The following NTRK3 variants were observed in gnomAD, a reference collection of about 807,000 sequenced individuals.
The protein encoded by NTRK3 is NT-3 growth factor receptor.
Under a neutral mutation model 91.7 loss-of-function variants are expected in NTRK3, and 24 were observed. The ratio of observed to expected loss-of-function variants is 0.26; its 90% confidence interval spans 0.19 to 0.37. The LOEUF (loss-of-function observed/expected upper bound fraction) is 0.37, where lower values mean the gene tolerates loss of function less well. NTRK3 is among the 10% of genes least tolerant of loss of function. NTRK3 has a pLI of 1.00. For missense variants in NTRK3, 880 were observed against 1,068.9 expected (o/e 0.82, Z 2.46); for synonymous variants, 483 against 404.0 (o/e 1.20, Z -2.34).
chr15:88,127,109 C>G, intron 12 of NTRK3, 53 bp downstream of exon 12: 1 of 1,471,574 alleles, frequency 6.8e-7, no homozygotes, highest in Non-Finnish European at 9.5e-7. Flanking sequence ...CAAATGAAGT[C>G]TGAAAATGAC....
At chr15:87,866,926 A>G (rs1009852832) in exon 19 of NTRK3, 9 of 213,814 alleles carry the variant, frequency 4.2e-5, no homozygotes, top group African/African-American at 2.0e-4. Context: ...ATAGAAATAT[A>G]GCATATCCAC....
intron 17 of NTRK3, among the ~76,000 whole-genome samples, chr15:87,921,882 A>T (rs80112441): frequency 1.6e-5 from 2 of 124,024 alleles, no homozygotes; most frequent in Admixed American, 1.5e-4. Flanking sequence ...ACTTGGTATT[A>T]AAAAAAAAAA....
At chr15:88,001,485 T>C (rs2076094088) in intron 14 of NTRK3, among the ~76,000 whole-genome samples, 1 of 152,198 alleles carries the variant, frequency 6.6e-6, no homozygotes, top group South Asian at 2.1e-4. Flanking sequence ...TACATTTAGG[T>C]CTTAGATCCA....
intron 5 of NTRK3, among the ~76,000 whole-genome samples, chr15:88,157,755 G>C (rs1359744593): frequency 6.6e-6 from 1 of 152,084 alleles, no homozygotes; most frequent in Non-Finnish European, 1.5e-5. Context: ...GTGTCACCAG[G>C]CAAGTCACTG....
chr15:88,014,033 TA>T (rs2077063121), intron 14 of NTRK3, among the ~76,000 whole-genome samples: 2 of 152,198 alleles, frequency 1.3e-5, no homozygotes, highest in Non-Finnish European at 2.9e-5. Context: ...GAAAGTTTAC[TA>T]AAATAACAAA....
chr15:87,995,953 A>G (rs2075663398), intron 14 of NTRK3, among the ~76,000 whole-genome samples: 1 of 152,208 alleles, frequency 6.6e-6, no homozygotes, highest in African/African-American at 2.4e-5. Flanking sequence ...ATTTAAAAAC[A>G]TAAAAACCGG....
At chr15:88,082,363 T>C (rs1400093845) in intron 13 of NTRK3, among the ~76,000 whole-genome samples, 1 of 152,198 alleles carries the variant, frequency 6.6e-6, no homozygotes, top group East Asian at 1.9e-4. Flanking sequence ...AATTTTTTAC[T>C]TTTTAATGAA....
At chr15:88,181,724 G>A (rs1446818059) in intron 5 of NTRK3, among the ~76,000 whole-genome samples, 1 of 152,174 alleles carries the variant, frequency 6.6e-6, no homozygotes, top group Non-Finnish European at 1.5e-5. Context: ...TAAAACTTGA[G>A]TTGTTTCACG....
chr15:88,105,258 G>A (rs2050579861), intron 13 of NTRK3, among the ~76,000 whole-genome samples: 2 of 152,184 alleles, frequency 1.3e-5, no homozygotes, highest in South Asian at 4.1e-4. Context: ...TCTCCTAGGT[G>A]CTGGAGAGTA....
intron 14 of NTRK3, among the ~76,000 whole-genome samples, chr15:87,974,925 T>C (rs1470698222): frequency 6.6e-6 from 1 of 152,058 alleles, no homozygotes; most frequent in African/African-American, 2.4e-5. Flanking sequence ...ATCATAGCCT[T>C]CCAGGAGCAG....
At chr15:88,141,734 G>GC (rs1019058546) in intron 6 of NTRK3, among the ~76,000 whole-genome samples, 5 of 152,160 alleles carry the variant, frequency 3.3e-5, no homozygotes, top group Admixed American at 1.3e-4. Context: ...GCATCTCATG[G>GC]CCCCCCAAAG....
chr15:88,132,217 T>C (rs1258277101), intron 10 of NTRK3, among the ~76,000 whole-genome samples: 2 of 152,248 alleles, frequency 1.3e-5, no homozygotes, highest in East Asian at 3.8e-4. Flanking sequence ...AGAAAATGAC[T>C]ACTGGTTCTA....
In NTRK3 at chr15:88,161,605, A is replaced by G. The variant is rs145982948; in HGVS notation, c.396-14202T>C. Among the ~76,000 whole-genome samples, 31 of 152,274 alleles carry G rather than the reference A, an allele frequency of 2.0e-4. No individual in the cohort carries two copies. In the East Asian group the frequency reaches 4.8e-3, roughly 24 times the overall value. Reference sequence around the variant, plus strand: ...ACTGGGACCATGTGTGACAGCCATAAAAAATGGAGACCCATCCACTAGCAT... The same window carrying G: ...ACTGGGACCATGTGTGACAGCCATAGAAAATGGAGACCCATCCACTAGCAT... On this transcript the variant is annotated intron_variant, in intron 5 of 18. Transcript: ENST00000394480.
rs140959598 is a variant in NTRK3 at position 88,035,505 on chromosome 15, C to G, written c.1397-2460G>C. On this transcript the variant is annotated intron_variant, in intron 13 of 18. Coordinates refer to ENST00000394480, the Ensembl canonical transcript of NTRK3. ...GGATGAATTCTCTCAAAAAATACCT[C>G]TCGGTATGGACATTTGGAGATCTAC... Among the ~76,000 whole-genome samples the G allele has an allele frequency of 2.6e-5, 4 of 152,204 alleles. No individual in the cohort carries two copies. The East Asian group carries it at 7.7e-4, about 29-fold the overall frequency.
rs140166305 is a variant in NTRK3 at position 88,256,154 on chromosome 15, C to T, written c.-1G>A. ...TGGCTGGGCAAAGAGAGACATCCAT[C>T]TCCGATCGCTGCTTCTAAAAAAGAG... On this transcript the variant is annotated 5_prime_UTR_variant, in exon 3 of 19. Transcript: ENST00000394480. The T allele has an allele frequency of 1.6e-3, 2,543 of 1,598,932 alleles. 3 individuals carry two copies. The highest frequency in any genetic ancestry group is 2.0e-3 in the Non-Finnish European group (2,322 of 1,176,368).
intron 3 of NTRK3, among the ~76,000 whole-genome samples, chr15:88,211,131 T>C (rs1205993269): frequency 6.6e-6 from 1 of 152,330 alleles, no homozygotes; most frequent in African/African-American, 2.4e-5. Flanking sequence ...TGCCAAAGCA[T>C]TGTCATCACC....
chr15:88,255,209 T>G lies in NTRK3; in HGVS notation c.248+697A>C, dbSNP rs981674811. On this transcript the variant is annotated intron_variant, in intron 3 of 18. Coordinates refer to ENST00000394480, the Ensembl canonical transcript of NTRK3. This position sits in a 1 kb window ranked among gnomAD's most constrained non-coding sequence, Gnocchi z 4.3. ...TATCAAAGCCCAAACTGGGAAGGGA[T>G]CTGTAGGCGCCCAGATGCAGATGAG... is the stretch of plus-strand genomic sequence containing the variant. Among the ~76,000 whole-genome samples the G allele has an allele frequency of 6.6e-6, 1 of 152,030 alleles. No individual in the cohort carries two copies. The highest frequency in any genetic ancestry group is 2.4e-5 in the African/African-American group (1 of 41,390).
chr15:88,183,226 A>G (rs2046664778), intron 5 of NTRK3, among the ~76,000 whole-genome samples, 192 bp downstream of exon 5: 1 of 152,062 alleles, frequency 6.6e-6, no homozygotes, highest in African/African-American at 2.4e-5. Flanking sequence ...TTTCCTTCTG[A>G]CAGGAAACTT....
chr15:87,962,030 A>G (rs16941074), intron 14 of NTRK3, among the ~76,000 whole-genome samples: 4,879 of 152,258 alleles, frequency 0.032, 271 homozygotes, highest in African/African-American at 0.11. Flanking sequence ...TGGAATGCAC[A>G]TGGCATCTTG....
Sources: allele counts gnomAD v4.1 joint callset (sites outside exome capture counted in the v4.1 genomes callset), GRCh38; gene constraint gnomAD v4.1.1; non-coding constraint Gnocchi (gnomAD v3.1); transcripts MANE v1.5; gene names NCBI Gene and HGNC (gene_info 2026-07-23, HGNC 2026-07-21).